The following LRIG2 variants were observed in gnomAD, a reference collection of about 807,000 sequenced individuals.
LRIG2 encodes leucine rich repeats and immunoglobulin like domains 2.
A neutral mutation model predicts 107.8 loss-of-function variants in LRIG2; 93 were observed. The observed-to-expected ratio is 0.86, with a 90% CI of 0.73 to 1.03. The LOEUF is 1.03. LRIG2 is among the 50% of genes least tolerant of loss of function. LRIG2 has a pLI of 0.00. For missense variants in LRIG2, 1,226 were observed against 1,296.0 expected, an observed-to-expected ratio of 0.95 and a Z score of 0.83; for synonymous variants, 471 against 470.6, an observed-to-expected ratio of 1.00 and a Z score of -0.01.
chr1:113,073,391 C>G lies in LRIG2; in HGVS notation c.-16C>G. ...GCAGGCAGCTCTTCTAGGCCACGTC[C>G]AGGTCGAGGGGGAAAATGGCGCCGG... On this transcript the variant is annotated 5_prime_UTR_variant, in exon 1 of 18. Coordinates refer to ENST00000361127, the MANE Select transcript of LRIG2 (RefSeq NM_014813.3). 1 of 1,606,884 alleles carries G rather than the reference C, an allele frequency of 6.2e-7. No individual in the cohort carries two copies. The highest frequency in any genetic ancestry group is 8.5e-7 in the Non-Finnish European group (1 of 1,174,130).
rs1049477908 is a variant in LRIG2, at chr1:113,128,956, CTG to C, written c.*4858_*4859del. Reference sequence around the variant, plus strand: ...GGAATTAGGGCTAGGCTGCCAGAGACTGTGCCAATGAGCATCACCCGTCATGT... The same window carrying C: ...GGAATTAGGGCTAGGCTGCCAGAGACTGCCAATGAGCATCACCCGTCATGT... On this transcript the variant is annotated 3_prime_UTR_variant, in exon 18 of 18. Coordinates refer to ENST00000361127, the MANE Select transcript of LRIG2 (RefSeq NM_014813.3). The C allele has an allele frequency of 6.6e-6, 1 of 152,114 alleles. No individual in the cohort carries two copies. The highest frequency in any genetic ancestry group is 1.5e-5 in the Non-Finnish European group (1 of 68,048). 9.4% of individuals were successfully genotyped at this position (152,114 alleles called of 1,614,324 possible).
At chr1:113,080,728 T>C (rs909864270) in intron 1 of LRIG2, among the ~76,000 whole-genome samples, 3 of 152,068 alleles carry the variant, frequency 2.0e-5, no homozygotes, top group African/African-American at 7.2e-5. Context: ...TCAAGGTACC[T>C]CATTATCCAT....
chr1:113,074,023 TC>T (rs1314271015), intron 1 of LRIG2, among the ~76,000 whole-genome samples: 1 of 151,612 alleles, frequency 6.6e-6, no homozygotes, highest in Non-Finnish European at 1.5e-5. Context: ...TTTCTGCTTA[TC>T]TTGAGCTGCA....
At position 113,107,701 on chromosome 1, in the gene LRIG2, C is replaced by T; in HGVS notation, c.1421C>T (p.Pro474Leu). The change falls in exon 12 of 18, where the codon CCT becomes CTT. Residue 474 changes from proline to leucine, a missense_variant. Physicochemically the swap from Pro to Leu is moderately conservative, Grantham distance 98 (BLOSUM62 -3). Transcript: ENST00000361127. Reference protein sequence around the residue: ...QHSVNVSCAHPEWLAGQSILN... With the variant: ...QHSVNVSCAHLEWLAGQSILN... The stretch of plus-strand genomic sequence containing the variant: ...TCTGTGAATGTAAGCTGTGCACACC[C>T]TGAATGGCTAGCAGGGCAAAGCATC... The T allele has an allele frequency of 6.2e-7, 1 of 1,613,724 alleles. No individual in the cohort carries two copies. The highest frequency in any genetic ancestry group is 1.1e-5 in the South Asian group (1 of 90,954).
At chr1:113,082,931 C>T (rs537746622) in intron 1 of LRIG2, among the ~76,000 whole-genome samples, 2 of 152,292 alleles carry the variant, frequency 1.3e-5, no homozygotes, top group African/African-American at 4.8e-5. Flanking sequence ...GATGGGATTA[C>T]AGGCATGAGC....
intron 14 of LRIG2, among the ~76,000 whole-genome samples, chr1:113,113,158 C>T (rs1293780482): frequency 6.7e-6 from 1 of 150,068 alleles, no homozygotes; most frequent in Non-Finnish European, 1.5e-5. Context: ...TTGATAGGAA[C>T]CTAAGACTAT....
chr1:113,077,964 C>T (rs1380784756), intron 1 of LRIG2, among the ~76,000 whole-genome samples: 2 of 146,824 alleles, frequency 1.4e-5, no homozygotes, highest in Non-Finnish European at 3.0e-5. Flanking sequence ...CATTTCCCAC[C>T]TATGAGTGAG....
chr1:113,118,506 A>G (rs1006819858), intron 16 of LRIG2, among the ~76,000 whole-genome samples: 2 of 152,210 alleles, frequency 1.3e-5, no homozygotes, highest in Non-Finnish European at 2.9e-5. Context: ...GCTTAAGCCA[A>G]GCATGTGTCT....
In LRIG2 at chr1:113,123,957, G is replaced by A. The variant is rs1340919948; in HGVS notation, c.3054G>A (p.Glu1018=). 4 of 1,614,132 alleles carry A rather than the reference G, an allele frequency of 2.5e-6. No individual in the cohort carries two copies. In the Admixed American group the frequency reaches 6.7e-5, roughly 27 times the overall value. Residue 1018 remains glutamate, a synonymous_variant, in exon 18 of 18, where the codon GAG becomes GAA. Transcript: ENST00000361127. Reference sequence around the variant, plus strand: ...CTTTTTCCCAGCAGCCAGTCCATGAGTCACCACAACTTCATCAAAATGAGG... The same window carrying A: ...CTTTTTCCCAGCAGCCAGTCCATGAATCACCACAACTTCATCAAAATGAGG... The part of the protein sequence containing the change: ...HPPFSQQPVH[E]SPQLHQNEGL...
intron 8 of LRIG2, 91 bp from the exon 9 acceptor site, chr1:113,098,614 T>C (rs919238178): frequency 1.2e-5 from 9 of 777,526 alleles, no homozygotes; most frequent in African/African-American, 1.0e-4. Flanking sequence ...AATTAGCATG[T>C]GTACCTTGAC....
At chr1:113,102,491 C>CA (rs2101045757) in intron 11 of LRIG2, among the ~76,000 whole-genome samples, 1 of 152,034 alleles carries the variant, frequency 6.6e-6, no homozygotes, top group African/African-American at 2.4e-5. Context: ...AGGATGGTCT[C>CA]AATCTCCTGA....
intron 14 of LRIG2, among the ~76,000 whole-genome samples, chr1:113,113,697 G>A (rs1382316600): frequency 6.6e-6 from 1 of 151,800 alleles, no homozygotes; most frequent in African/African-American, 2.4e-5. Flanking sequence ...TGAGTAGCTG[G>A]TACTACAGGC....
intron 17 of LRIG2, 140 bp from the exon 18 acceptor site, chr1:113,123,730 TGTGTG>T (rs1557924267): frequency 1.3e-4 from 58 of 462,608 alleles, no homozygotes; most frequent in Middle Eastern, 5.7e-4. Flanking sequence ...GTGGTTTTTG[TGTGTG>T]TGTGTGTGTG....
chr1:113,079,041 G>GTAAATTGAAAATGAGCCCTGTGACC (rs1653127283), intron 1 of LRIG2, among the ~76,000 whole-genome samples: 1 of 152,120 alleles, frequency 6.6e-6, no homozygotes, highest in Non-Finnish European at 1.5e-5. Flanking sequence ...CCACAAGTTG[G>GTAAATTGAAAATGAGCCCTGTGACC]TAAATTGAAA....
At position 113,107,223 on chromosome 1, in the gene LRIG2, A is replaced by G. The variant is rs372418858; in HGVS notation, c.1314-371A>G. Among the ~76,000 whole-genome samples the G allele has an allele frequency of 1.4e-4, 21 of 152,342 alleles. No individual in the cohort carries two copies. The East Asian group carries it at 3.3e-3, about 24-fold the overall frequency. On this transcript the variant is annotated intron_variant, in intron 11 of 17. Coordinates refer to ENST00000361127, the MANE Select transcript of LRIG2 (RefSeq NM_014813.3). ...AAGACATCACCATTACCACACCCAAAGAAATTAACATCGATAAGGTAATAT... is the reference window on the plus strand; with the variant it reads ...AAGACATCACCATTACCACACCCAAGGAAATTAACATCGATAAGGTAATAT...
chr1:113,114,599 C>T lies in LRIG2; in HGVS notation c.2253C>T (p.Leu751=). 2 of 1,614,102 alleles carry T rather than the reference C, an allele frequency of 1.2e-6. No homozygotes were observed. Among genetic ancestry groups the T allele is most frequent in the South Asian group, 2.2e-5 (2 of 91,066 alleles). ...TCTTTGCTGCAGCCAATCAGCTTCTCATCATTGTAGATGCCGGGCTAGAAG... is the reference window on the plus strand; with the variant it reads ...TCTTTGCTGCAGCCAATCAGCTTCTTATCATTGTAGATGCCGGGCTAGAAG... ...RHFFAAANQL[L]IIVDAGLEDA... is the part of the protein sequence containing the mutation. The change falls in exon 15 of 18, where the codon CTC becomes CTT. Residue 751 remains leucine, a synonymous_variant. Coordinates refer to ENST00000361127, the MANE Select transcript of LRIG2 (RefSeq NM_014813.3).
chr1:113,097,472 A>T (rs1012196711), intron 8 of LRIG2, among the ~76,000 whole-genome samples: 24 of 152,166 alleles, frequency 1.6e-4, no homozygotes, highest in Admixed American at 5.2e-4. Context: ...TTGATTTTTT[A>T]AAAAATTCCT....
At chr1:113,092,574 C>T (rs1653876898) in intron 2 of LRIG2, among the ~76,000 whole-genome samples, 2 of 143,492 alleles carry the variant, frequency 1.4e-5, no homozygotes, top group South Asian at 4.6e-4. Context: ...TCTTTAAGGA[C>T]TCAAATTAGC....
Position 113,091,316 on chromosome 1 carries a change from A to T in LRIG2, c.240-2A>T. On this transcript the variant is annotated splice_acceptor_variant, in intron 1 of 17. Coordinates refer to ENST00000361127, the MANE Select transcript of LRIG2 (RefSeq NM_014813.3). LOFTEE classifies it high-confidence loss of function. ...TAAGAATGATATTTTGTCCTCTTTC[A>T]GGGATTTCAGTCATAATCGGTTGTC... 6.3e-7 allele frequency: 1 copy of T among 1,593,732 alleles called. No homozygotes were observed. Among genetic ancestry groups the T allele is most frequent in the Non-Finnish European group, 8.6e-7 (1 of 1,164,884 alleles).
Sources: allele counts gnomAD v4.1 joint callset (sites outside exome capture counted in the v4.1 genomes callset), GRCh38; gene constraint gnomAD v4.1.1; transcripts MANE v1.5; gene names NCBI Gene and HGNC (gene_info 2026-07-23, HGNC 2026-07-21).